SGCZ: variants seen among roughly 807,000 people sequenced by gnomAD.
The protein encoded by SGCZ is zeta-sarcoglycan.
In SGCZ, 40 loss-of-function variants were observed where a neutral mutation model predicts 41.3. The observed-to-expected ratio is 0.97, with a 90% CI of 0.75 to 1.26. The LOEUF is 1.26. SGCZ is among the 50% of genes most tolerant of loss of function. SGCZ has a pLI of 0.00. For missense variants in SGCZ, 552 were observed against 369.8 expected (o/e 1.49, Z -4.04); for synonymous variants, 206 against 137.5 (o/e 1.50, Z -3.49).
At chr8:14,796,806 A>G (rs1341794154) in intron 1 of SGCZ, among the ~76,000 whole-genome samples, 1 of 152,102 alleles carries the variant, frequency 6.6e-6, no homozygotes, top group African/African-American at 2.4e-5. Flanking sequence ...GTGGGAGGTA[A>G]CTGAATCATG....
At chr8:14,776,638 C>A (rs954124406) in intron 1 of SGCZ, among the ~76,000 whole-genome samples, 1 of 149,186 alleles carries the variant, frequency 6.7e-6, no homozygotes, top group South Asian at 2.1e-4. Context: ...GGACTACAGG[C>A]GCCTACCACC....
At chr8:14,395,306 G>T (rs1255621853) in intron 2 of SGCZ, among the ~76,000 whole-genome samples, 1 of 152,100 alleles carries the variant, frequency 6.6e-6, no homozygotes, top group Non-Finnish European at 1.5e-5. Flanking sequence ...TGGTAATAAA[G>T]AAATAAAAGA....
At chr8:15,187,634 C>T (rs1361785616) in intron 1 of SGCZ, among the ~76,000 whole-genome samples, 2 of 151,938 alleles carry the variant, frequency 1.3e-5, no homozygotes, top group African/African-American at 2.4e-5. Flanking sequence ...AACTTTTAGG[C>T]ACATTTCTCC....
intron 1 of SGCZ, among the ~76,000 whole-genome samples, chr8:14,716,350 G>C (rs923347692): frequency 6.6e-6 from 1 of 151,892 alleles, no homozygotes; most frequent in African/African-American, 2.4e-5. Flanking sequence ...ATTTTTCCAT[G>C]CGCACACACA....
rs200573308 is a variant in SGCZ, at chr8:14,551,800, T to TA, written c.234+2931dup. Among the ~76,000 whole-genome samples, 498 of 148,596 alleles carry TA rather than the reference T, an allele frequency of 3.4e-3. 5 individuals carry two copies. The highest frequency in any genetic ancestry group is 0.012 in the African/African-American group (467 of 40,464). ...CAATAAGTAGAATAATTTTATTTTC[T>TA]AAAAAATGAAAAACACAAATTATTT... On this transcript the variant is annotated intron_variant, in intron 2 of 7. Coordinates refer to ENST00000382080, the MANE Select transcript of SGCZ (RefSeq NM_139167.4).
chr8:14,639,040 T>A (rs1341052917), intron 1 of SGCZ, among the ~76,000 whole-genome samples: 843 of 71,782 alleles, frequency 0.012, 9 homozygotes, highest in African/African-American at 0.036. Context: ...ACTGGAATCT[T>A]TTTTTTTTTT....
intron 1 of SGCZ, among the ~76,000 whole-genome samples, chr8:15,209,321 A>G (rs900953925): frequency 2.0e-4 from 31 of 152,162 alleles, no homozygotes; most frequent in African/African-American, 7.2e-4. Context: ...CTTGTAAGAG[A>G]CTTCTGAGAC....
chr8:14,933,309 G>A (rs1465698770), intron 1 of SGCZ, among the ~76,000 whole-genome samples: 1 of 151,876 alleles, frequency 6.6e-6, no homozygotes, highest in Admixed American at 6.6e-5. Context: ...TGCAGACAGA[G>A]AAAGAGGACC....
chr8:14,096,419 A>C (rs1169333467), intron 7 of SGCZ, among the ~76,000 whole-genome samples: 1 of 152,122 alleles, frequency 6.6e-6, no homozygotes, highest in South Asian at 2.1e-4. Context: ...ATTGATTTGG[A>C]TATGTTGAAC....
chr8:14,416,979 G>A (rs1342377836), intron 2 of SGCZ, among the ~76,000 whole-genome samples: 19 of 151,826 alleles, frequency 1.3e-4, no homozygotes, highest in Non-Finnish European at 1.3e-4. Flanking sequence ...AGGGTTATGT[G>A]AGAAGTATGG....
intron 3 of SGCZ, among the ~76,000 whole-genome samples, chr8:14,242,462 T>G (rs1014324963): frequency 2.6e-5 from 4 of 152,200 alleles, no homozygotes; most frequent in Non-Finnish European, 4.4e-5. Context: ...TGCCAAATGC[T>G]GACTTCCAAG....
intron 5 of SGCZ, among the ~76,000 whole-genome samples, chr8:14,160,352 G>T (rs935249003): frequency 3.3e-5 from 5 of 152,174 alleles, no homozygotes; most frequent in African/African-American, 9.7e-5. Flanking sequence ...GATTGATTCT[G>T]CCTGAAAGCA....
intron 1 of SGCZ, among the ~76,000 whole-genome samples, chr8:15,191,856 C>T (rs1205445185): frequency 6.6e-6 from 1 of 151,926 alleles, no homozygotes; most frequent in Non-Finnish European, 1.5e-5. Flanking sequence ...AAAGGTAAAA[C>T]AACCCAGAAG....
intron 2 of SGCZ, among the ~76,000 whole-genome samples, chr8:14,408,594 A>G (rs1799273535): frequency 6.6e-6 from 1 of 152,018 alleles, no homozygotes; most frequent in South Asian, 2.1e-4. Flanking sequence ...TTCTATATAA[A>G]TCAGTTTATA....
intron 1 of SGCZ, among the ~76,000 whole-genome samples, chr8:14,931,244 C>A (rs1050724713): frequency 6.6e-6 from 1 of 151,914 alleles, no homozygotes; most frequent in Non-Finnish European, 1.5e-5. Context: ...TAAAAAAAAT[C>A]TCATTTTATT....
chr8:14,845,151 G>A (rs1404626568), intron 1 of SGCZ, among the ~76,000 whole-genome samples: 1 of 152,108 alleles, frequency 6.6e-6, no homozygotes, highest in Non-Finnish European at 1.5e-5. Context: ...TGAGATGATG[G>A]TGCCCAGCAC....
chr8:15,217,091 C>G (rs373163426), intron 1 of SGCZ, among the ~76,000 whole-genome samples: 1 of 152,170 alleles, frequency 6.6e-6, no homozygotes, highest in South Asian at 2.1e-4. Context: ...GTAAGCATTC[C>G]GACAGCTAAT....
At chr8:14,581,353 C>T (rs1282199111) in intron 1 of SGCZ, among the ~76,000 whole-genome samples, 2 of 152,128 alleles carry the variant, frequency 1.3e-5, no homozygotes, top group African/African-American at 4.8e-5. Flanking sequence ...GCGAACAGCC[C>T]ACCTCGACCT....
chr8:14,657,205 C>T (rs529453624), intron 1 of SGCZ, among the ~76,000 whole-genome samples: 13 of 152,022 alleles, frequency 8.6e-5, no homozygotes, highest in South Asian at 8.3e-4. Flanking sequence ...AGTGAAGAGA[C>T]GTATGGATTT....
Sources: gnomAD v4.1 joint callset for allele counts (sites outside exome capture counted in the v4.1 genomes callset) on GRCh38, gnomAD v4.1.1 for gene constraint, MANE v1.5 for transcripts, NCBI Gene and HGNC (gene_info 2026-07-23, HGNC 2026-07-21) for gene names.